DOP1B: variants seen among roughly 807,000 people sequenced by gnomAD.
The protein encoded by DOP1B is DOP1 leucine zipper like protein B.
Under a neutral mutation model 233.5 loss-of-function variants are expected in DOP1B, and 174 were observed. That is an observed-to-expected ratio of 0.75 (90% confidence interval 0.66 to 0.85). The LOEUF (loss-of-function observed/expected upper bound fraction) is 0.85, where lower values mean the gene tolerates loss of function less well. Ranked by LOEUF, DOP1B falls within the 40% of genes least tolerant of loss-of-function variation. The pLI, the probability that DOP1B is intolerant of heterozygous loss-of-function variation, is 0.00. For synonymous variants in DOP1B, 1,190 were observed against 1,185.6 expected (o/e 1.00, Z -0.08); for missense variants, 2,652 against 2,846.6 (o/e 0.93, Z 1.56).
intron 4 of DOP1B, among the ~76,000 whole-genome samples, chr21:36,203,651 G>GC (rs1569018804): frequency 2.0e-5 from 3 of 151,938 alleles, no homozygotes; most frequent in Non-Finnish European, 4.4e-5. Flanking sequence ...CAGTGGGGGG[G>GC]GTCATGATGA....
chr21:36,233,598 C>G (rs1016742988), intron 15 of DOP1B, among the ~76,000 whole-genome samples: 1 of 152,192 alleles, frequency 6.6e-6, no homozygotes, highest in Non-Finnish European at 1.5e-5. Flanking sequence ...TGCCATGACT[C>G]TTGCTGCTTT....
intron 24 of DOP1B, among the ~76,000 whole-genome samples, chr21:36,262,499 G>C (rs1346807244): frequency 1.3e-5 from 2 of 152,156 alleles, no homozygotes; most frequent in Non-Finnish European, 2.9e-5. Flanking sequence ...CCAGTTTCCT[G>C]GTGAGTGTCC....
chr21:36,198,597 G>A (rs771507284), intron 2 of DOP1B, among the ~76,000 whole-genome samples: 5 of 152,170 alleles, frequency 3.3e-5, no homozygotes, highest in African/African-American at 7.2e-5. Context: ...CAGACGTGTC[G>A]TGTATCCTGC....
intron 24 of DOP1B, among the ~76,000 whole-genome samples, chr21:36,262,109 C>G (rs2123639641): frequency 1.3e-5 from 2 of 152,276 alleles, no homozygotes; most frequent in Middle Eastern, 6.8e-3. Context: ...TTGAGGCCTC[C>G]TGGTAGATGA....
intron 28 of DOP1B, among the ~76,000 whole-genome samples, chr21:36,277,341 G>A: frequency 6.6e-6 from 1 of 152,012 alleles, no homozygotes. Flanking sequence ...GGAGTGCAGT[G>A]GCGCGATCTC....
intron 32 of DOP1B, among the ~76,000 whole-genome samples, chr21:36,282,465 T>G (rs1391987214): frequency 6.6e-6 from 1 of 152,082 alleles, no homozygotes; most frequent in Non-Finnish European, 1.5e-5. Flanking sequence ...TAATTTGTAT[T>G]AGTTTTTAAA....
intron 18 of DOP1B, among the ~76,000 whole-genome samples, chr21:36,240,284 A>C (rs2066878242): frequency 6.6e-6 from 1 of 152,108 alleles, no homozygotes; most frequent in Non-Finnish European, 1.5e-5. Flanking sequence ...GTTCAAGACC[A>C]GCCTGGCCAA....
chr21:36,289,424 GGT>G (rs59907412), intron 35 of DOP1B, among the ~76,000 whole-genome samples: 4,843 of 144,442 alleles, frequency 0.034, 115 homozygotes, highest in South Asian at 0.076. Flanking sequence ...GTGTTTCTAT[GGT>G]GTGTGTGTGT....
At chr21:36,204,656 C>CAATTTTT (rs1601409157) in intron 4 of DOP1B, among the ~76,000 whole-genome samples, 2 of 53,816 alleles carry the variant, frequency 3.7e-5, no homozygotes, top group East Asian at 7.4e-4. Context: ...GCTGACATTT[C>CAATTTTT]TATTTTTTTT....
chr21:36,158,750 C>G (rs1159052863), intron 1 of DOP1B, among the ~76,000 whole-genome samples: 1 of 146,422 alleles, frequency 6.8e-6, no homozygotes, highest in Admixed American at 7.1e-5. Context: ...TTGCAGTGAG[C>G]CGAAATGGCG....
intron 2 of DOP1B, chr21:36,169,462 C>A: frequency 9.2e-7 from 1 of 1,089,094 alleles, no homozygotes; most frequent in South Asian, 1.3e-5. Flanking sequence ...TCTTGTGGGG[C>A]AGCTTCTTGG....
intron 23 of DOP1B, among the ~76,000 whole-genome samples, chr21:36,260,117 G>A (rs958560075): frequency 3.5e-5 from 5 of 144,476 alleles, no homozygotes; most frequent in Admixed American, 2.2e-4. Flanking sequence ...GATTGCACCA[G>A]TGTACTCCAG....
Position 36,246,027 on chromosome 21 carries a change from C to T in DOP1B, c.4047C>T (p.Val1349=), listed in dbSNP as rs773664559. 7.4e-6 allele frequency: 12 copies of T among 1,613,766 alleles called. No homozygotes were observed. The highest frequency in any genetic ancestry group is 6.7e-5 in the East Asian group (3 of 44,866). Residue 1349 remains valine, a synonymous_variant, in exon 19 of 37, where the codon GTC becomes GTT. Coordinates refer to ENST00000691173, the MANE Select transcript of DOP1B (RefSeq NM_001320714.2). This position sits in a 1 kb window ranked among gnomAD's most constrained non-coding sequence, Gnocchi z 5.1. ...LGNRDVQVKS[V]EVLIRIMMQL... Reference sequence around the variant, plus strand: ...ACCGGGACGTGCAGGTCAAAAGTGTCGAGGTTTTGATCAGGATAATGATGC... The same window carrying T: ...ACCGGGACGTGCAGGTCAAAAGTGTTGAGGTTTTGATCAGGATAATGATGC...
intron 15 of DOP1B, among the ~76,000 whole-genome samples, chr21:36,233,439 G>T (rs1446728246): frequency 6.6e-6 from 1 of 152,192 alleles, no homozygotes; most frequent in African/African-American, 2.4e-5. Context: ...CTGGTGGCCT[G>T]CCCCTCCCAG....
intron 2 of DOP1B, among the ~76,000 whole-genome samples, chr21:36,171,120 G>A (rs2065968570): frequency 6.6e-6 from 1 of 152,228 alleles, no homozygotes; most frequent in African/African-American, 2.4e-5. Flanking sequence ...GCCACTGCCA[G>A]CCAGTGGCAG....
intron 9 of DOP1B, among the ~76,000 whole-genome samples, chr21:36,218,551 A>T (rs971731225): frequency 1.3e-5 from 2 of 151,988 alleles, no homozygotes; most frequent in African/African-American, 4.8e-5. Flanking sequence ...ATTCTATCTT[A>T]AAAAAAATAC....
intron 24 of DOP1B, among the ~76,000 whole-genome samples, chr21:36,262,271 A>G (rs1034647124): frequency 3.3e-5 from 5 of 152,218 alleles, no homozygotes; most frequent in Non-Finnish European, 5.9e-5. Context: ...CCTGAGGGAC[A>G]GCTGAGCTTT....
chr21:36,293,593 T>G lies in DOP1B; in HGVS notation c.*22T>G. On this transcript the variant is annotated 3_prime_UTR_variant, in exon 37 of 37. Coordinates refer to ENST00000691173, the MANE Select transcript of DOP1B (RefSeq NM_001320714.2). ...TTAACCATGTGAGAGAGAATATGTTTAATCCATGTATTGGTACTTTACTGA... is the reference window on the plus strand; with the variant it reads ...TTAACCATGTGAGAGAGAATATGTTGAATCCATGTATTGGTACTTTACTGA... The G allele has an allele frequency of 6.2e-7, 1 of 1,611,456 alleles. No homozygotes were observed. The highest frequency in any genetic ancestry group is 8.5e-7 in the Non-Finnish European group (1 of 1,177,984).
At chr21:36,184,409 C>G (rs2123438184) in intron 2 of DOP1B, among the ~76,000 whole-genome samples, 3 of 152,194 alleles carry the variant, frequency 2.0e-5, no homozygotes, top group Admixed American at 2.0e-4. Flanking sequence ...GTCTTGAACT[C>G]CTGACCTCAA....
Sources: gnomAD v4.1 joint callset for allele counts (sites outside exome capture counted in the v4.1 genomes callset) on GRCh38, gnomAD v4.1.1 for gene constraint, Gnocchi (gnomAD v3.1) non-coding constraint, MANE v1.5 for transcripts, NCBI Gene and HGNC (gene_info 2026-07-23, HGNC 2026-07-21) for gene names.